CASD1: variants seen among roughly 807,000 people sequenced by gnomAD.
CASD1 encodes the protein CAS1 domain sialic acid O acetyltransferase 1, also known as N-acetylneuraminate (7)9-O-acetyltransferase.
Under a neutral mutation model 100.0 loss-of-function variants are expected in CASD1, and 41 were observed. The observed-to-expected ratio is 0.41, with a 90% CI of 0.32 to 0.53. The LOEUF is 0.53. Ranked by LOEUF, CASD1 falls within the 20% of genes least tolerant of loss-of-function variation. CASD1 has a pLI of 0.25. For missense variants in CASD1, 774 were observed against 948.7 expected, an observed-to-expected ratio of 0.82 and a Z score of 2.42; for synonymous variants, 321 against 315.6, an observed-to-expected ratio of 1.02 and a Z score of -0.18.
intron 1 of CASD1, among the ~76,000 whole-genome samples, chr7:94,513,201 C>T (rs1480239011): frequency 6.7e-6 from 1 of 150,366 alleles, no homozygotes; most frequent in Non-Finnish European, 1.5e-5. Flanking sequence ...TGGCGGGCAC[C>T]TGAATCCCAG....
Position 94,544,507 on chromosome 7 carries a change from T to A in CASD1, c.1453T>A (p.Phe485Ile). 1 of 1,613,098 alleles carries A rather than the reference T, an allele frequency of 6.2e-7. No homozygotes were observed. The highest frequency in any genetic ancestry group is 1.1e-5 in the South Asian group (1 of 91,004). Residue 485 changes from phenylalanine (F) to isoleucine (I), a missense_variant, in exon 11 of 18, where the codon TTT (phenylalanine) becomes ATT (isoleucine). Around this residue, in one of 5 missense-constraint regions of CASD1, gnomAD observed 453 missense variants for 532.6 expected, o/e 0.85. Coordinates refer to ENST00000297273, the MANE Select transcript of CASD1 (RefSeq NM_022900.5). ...HFSYFWIKGD[F>I]GIYRVCQVLF... ...CTCATACTTTTGGATAAAAGGAGATTTTGGAATCTATAGAGTATGTCAGGT... is the reference window on the plus strand; with the variant it reads ...CTCATACTTTTGGATAAAAGGAGATATTGGAATCTATAGAGTATGTCAGGT...
rs868699284 is a variant in CASD1 at position 94,555,671 on chromosome 7, ATC to A, written c.2313_2314del (p.Leu772GlufsTer22). ...AGATTATTATTCCTAAAGATAACTC[ATC>A]TCTCTTGAAAAGGTTGGCATGTATA... The part of the protein sequence containing the change: ...AQIIIPKDNS[S>X]LLKRLACIAA... On this transcript the variant is annotated frameshift_variant, in exon 18 of 18. Coordinates refer to ENST00000297273, the MANE Select transcript of CASD1 (RefSeq NM_022900.5). LOFTEE classifies it high-confidence loss of function. The A allele has an allele frequency of 6.2e-7, 1 of 1,613,254 alleles. No homozygotes were observed.
At chr7:94,588,159 T>C in the CASD1 span, 1 of 1,112,932 alleles carries the variant, frequency 9.0e-7, no homozygotes, top group African/African-American at 1.6e-5. Context: ...AAGCAAGTCT[T>C]AGGGAAATAG....
Position 94,552,398 on chromosome 7 carries a change from G to A in CASD1, c.2005G>A (p.Glu669Lys), listed in dbSNP as rs1245687472. ...SSCKNKAECN[E>K]LHPSVSVVQI... ...TTGTAAAAACAAAGCAGAGTGCAAT[G>A]AACTCCATCCGTCTGTTTCTGTGGT... Residue 669 changes from glutamate to lysine, a missense_variant, in exon 16 of 18, where the codon GAA becomes AAA. Coordinates refer to ENST00000297273, the MANE Select transcript of CASD1 (RefSeq NM_022900.5). 1 of 1,610,648 alleles carries A rather than the reference G, an allele frequency of 6.2e-7. No individual in the cohort carries two copies. The highest frequency in any genetic ancestry group is 8.5e-7 in the Non-Finnish European group (1 of 1,178,806).
At chr7:94,582,935 G>A in the CASD1 span, among the ~76,000 whole-genome samples, 4 of 152,218 alleles carry the variant, frequency 2.6e-5, no homozygotes, top group Non-Finnish European at 5.9e-5. Flanking sequence ...GCAAATGGTA[G>A]AGGTGTTTCA....
chr7:94,567,840 C>T, the CASD1 span, among the ~76,000 whole-genome samples: 1 of 152,162 alleles, frequency 6.6e-6, no homozygotes. Context: ...ATGACTACTA[C>T]TCCCCAACTA....
intron 11 of CASD1, among the ~76,000 whole-genome samples, chr7:94,544,972 G>C (rs1054723272): frequency 2.6e-5 from 4 of 152,084 alleles, no homozygotes; most frequent in African/African-American, 9.7e-5. Context: ...GGCTCAGAGA[G>C]CTTAAATAAT....
intron 7 of CASD1, among the ~76,000 whole-genome samples, chr7:94,535,100 G>T (rs578037861): frequency 1.3e-5 from 2 of 152,244 alleles, no homozygotes; most frequent in South Asian, 4.2e-4. Flanking sequence ...ATTTGAAAGG[G>T]ATATTGCTTG....
the CASD1 span, chr7:94,625,613 C>T: frequency 2.6e-5 from 4 of 151,976 alleles, no homozygotes; most frequent in Non-Finnish European, 5.9e-5. Flanking sequence ...TTTAGTTTGC[C>T]TGTTTTTGAG....
At chr7:94,537,922 G>C in intron 9 of CASD1, 28 bp downstream of exon 9, 1 of 1,249,054 alleles carries the variant, frequency 8.0e-7, no homozygotes. Flanking sequence ...TTTAACTCAT[G>C]TTACCCTTCT....
At chr7:94,519,996 G>T (rs1488932167) in intron 3 of CASD1, among the ~76,000 whole-genome samples, 1 of 152,132 alleles carries the variant, frequency 6.6e-6, no homozygotes, top group Non-Finnish European at 1.5e-5. Context: ...CTGAGCCCTA[G>T]TTGCAACACT....
chr7:94,624,020 G>A, the CASD1 span: 2 of 392,888 alleles, frequency 5.1e-6, no homozygotes, highest in South Asian at 1.4e-4. Flanking sequence ...AGAGCCAATA[G>A]ACTTACATCA....
the CASD1 span, among the ~76,000 whole-genome samples, chr7:94,631,615 A>T: frequency 1.3e-5 from 2 of 151,986 alleles, no homozygotes; most frequent in Non-Finnish European, 2.9e-5. Context: ...TTCACAGTGA[A>T]CATATGTGCA....
At chr7:94,584,463 T>C in the CASD1 span, among the ~76,000 whole-genome samples, 4 of 152,206 alleles carry the variant, frequency 2.6e-5, no homozygotes, top group Admixed American at 1.3e-4. Context: ...ACATCCTCTG[T>C]CCTAGAAAGA....
chr7:94,580,541 C>T, the CASD1 span, among the ~76,000 whole-genome samples: 1 of 152,100 alleles, frequency 6.6e-6, no homozygotes, highest in Non-Finnish European at 1.5e-5. Context: ...TACTTTCTTC[C>T]TTACAAAAAA....
chr7:94,589,017 A>T, the CASD1 span: 12 of 420,942 alleles, frequency 2.9e-5, no homozygotes, highest in African/African-American at 1.6e-4. Flanking sequence ...TTCCCATTTT[A>T]TGGGTGAAGA....
chr7:94,555,748 C>A lies in CASD1; in HGVS notation c.2384C>A (p.Ser795Ter). 6.2e-7 allele frequency: 1 copy of A among 1,611,138 alleles called. No individual in the cohort carries two copies. The highest frequency in any genetic ancestry group is 1.1e-5 in the South Asian group (1 of 90,656). Reference protein sequence around the residue: ...LLILSSIQDKSKH With the variant: ...LLILSSIQDK ...ATCTTATCATCCATTCAAGATAAATCAAAACATTAGGTTCCAAAAATTCTA... is the reference window on the plus strand; with the variant it reads ...ATCTTATCATCCATTCAAGATAAATAAAAACATTAGGTTCCAAAAATTCTA... The change falls in exon 18 of 18, where the codon TCA becomes TAA. Residue 795 changes from serine to a stop codon, truncating the protein, a stop_gained. Coordinates refer to ENST00000297273, the MANE Select transcript of CASD1 (RefSeq NM_022900.5). LOFTEE classifies it high-confidence loss of function.
the CASD1 span, chr7:94,594,660 G>A: frequency 3.3e-5 from 5 of 152,098 alleles, no homozygotes; most frequent in Non-Finnish European, 2.9e-5. Context: ...AATGTACCAT[G>A]GTACTGTAAG....
At chr7:94,548,420 ATC>A (rs1795782801) in intron 13 of CASD1, among the ~76,000 whole-genome samples, 1 of 151,710 alleles carries the variant, frequency 6.6e-6, no homozygotes, top group African/African-American at 2.4e-5. Context: ...CCTAGTGAAT[ATC>A]TATATTCATG....
Sources: allele counts gnomAD v4.1 joint callset (sites outside exome capture counted in the v4.1 genomes callset), GRCh38; gene constraint gnomAD v4.1.1; regional missense constraint gnomAD v4.1.1; transcripts MANE v1.5; gene names NCBI Gene and HGNC (gene_info 2026-07-23, HGNC 2026-07-21).